Variants in FAM13A observed in about 807,000 individuals in gnomAD.
FAM13A encodes the protein family with sequence similarity 13 member A.
A neutral mutation model predicts 129.6 loss-of-function variants in FAM13A; 76 were observed. That is an observed-to-expected ratio of 0.59 (90% CI 0.49 to 0.71). The LOEUF (loss-of-function observed/expected upper bound fraction) is 0.71, where lower values mean the gene tolerates loss of function less well. Ranked by LOEUF, FAM13A falls within the 30% of genes least tolerant of loss-of-function variation. The pLI is 0.00. For missense variants in FAM13A, 1,108 were observed against 1,249.3 expected, an observed-to-expected ratio of 0.89 and a Z score of 1.70; for synonymous variants, 443 against 449.9, an observed-to-expected ratio of 0.98 and a Z score of 0.20.
intron 20 of FAM13A, among the ~76,000 whole-genome samples, chr4:88,737,799 T>C (rs556775530): frequency 6.6e-6 from 1 of 152,244 alleles, no homozygotes; most frequent in East Asian, 1.9e-4. Context: ...CACAGGAGTA[T>C]ATCCGGCAGA....
At chr4:88,894,694 G>T (rs1382775410) in intron 6 of FAM13A, among the ~76,000 whole-genome samples, 1 of 152,064 alleles carries the variant, frequency 6.6e-6, no homozygotes, top group Non-Finnish European at 1.5e-5. Flanking sequence ...GCTAATTTTT[G>T]TATTTTGAGT....
At chr4:89,048,683 T>G (rs2149176796) in intron 1 of FAM13A, among the ~76,000 whole-genome samples, 1 of 152,278 alleles carries the variant, frequency 6.6e-6, no homozygotes, top group South Asian at 2.1e-4. Context: ...AATAATATAT[T>G]AATATTAAAA....
chr4:88,957,631 G>A (rs766234513), intron 4 of FAM13A, among the ~76,000 whole-genome samples: 1 of 152,228 alleles, frequency 6.6e-6, no homozygotes, highest in Non-Finnish European at 1.5e-5. Flanking sequence ...ACAGGCAGAG[G>A]TTGGAAGAGT....
chr4:88,978,720 G>A (rs914605091), intron 4 of FAM13A, among the ~76,000 whole-genome samples: 5 of 152,116 alleles, frequency 3.3e-5, no homozygotes, highest in African/African-American at 1.2e-4. Context: ...GGTAAACCTG[G>A]GAGGCGGAGC....
chr4:88,886,844 T>C (rs1169232466), intron 6 of FAM13A, among the ~76,000 whole-genome samples: 1 of 151,376 alleles, frequency 6.6e-6, no homozygotes, highest in Non-Finnish European at 1.5e-5. Context: ...GAGGTGGAGG[T>C]TGCAGTGAGC....
chr4:88,767,894 T>G (rs1433785317), intron 12 of FAM13A, 89 bp downstream of exon 12: 10 of 823,230 alleles, frequency 1.2e-5, no homozygotes, highest in African/African-American at 5.1e-5. Flanking sequence ...AATTCCATTC[T>G]TTTTAGTTCT....
intron 1 of FAM13A, among the ~76,000 whole-genome samples, chr4:89,048,444 T>A (rs899532683): frequency 2.0e-5 from 3 of 151,992 alleles, no homozygotes; most frequent in Admixed American, 1.3e-4. Flanking sequence ...TAAAGCAAAT[T>A]AGTGGTTGTC....
At chr4:88,945,988 G>GTATATATATATATA (rs1553901158) in intron 4 of FAM13A, among the ~76,000 whole-genome samples, 16 of 13,658 alleles carry the variant, frequency 1.2e-3, no homozygotes, top group African/African-American at 4.0e-3. Flanking sequence ...GTGTGTGTGT[G>GTATATATATATATA]TGTATATATA....
intron 7 of FAM13A, among the ~76,000 whole-genome samples, chr4:88,824,298 G>A (rs926882462): frequency 2.0e-5 from 3 of 152,162 alleles, no homozygotes; most frequent in Non-Finnish European, 4.4e-5. Context: ...TTGTAGGCAT[G>A]AGGTATCCCC....
At chr4:88,924,837 T>C (rs1351827598) in intron 5 of FAM13A, among the ~76,000 whole-genome samples, 6 of 150,336 alleles carry the variant, frequency 4.0e-5, no homozygotes, top group Admixed American at 4.0e-4. Context: ...GAATCTACAA[T>C]GAACTCAAAC....
chr4:89,038,499 A>G (rs1216658802), intron 1 of FAM13A, among the ~76,000 whole-genome samples: 1 of 152,208 alleles, frequency 6.6e-6, no homozygotes, highest in Non-Finnish European at 1.5e-5. Flanking sequence ...GGACACGTCC[A>G]CAAGACCTAT....
At chr4:88,891,364 G>GA (rs112873916) in intron 6 of FAM13A, among the ~76,000 whole-genome samples, 1 of 152,274 alleles carries the variant, frequency 6.6e-6, no homozygotes, top group African/African-American at 2.4e-5. Context: ...AGGCTGCAGT[G>GA]AGCTGTGATC....
intron 1 of FAM13A, among the ~76,000 whole-genome samples, chr4:89,054,368 G>A (rs1370443706): frequency 6.6e-6 from 1 of 151,756 alleles, no homozygotes; most frequent in Non-Finnish European, 1.5e-5. Flanking sequence ...AAGTATTAAT[G>A]TCTTCAGCAG....
Position 88,899,103 on chromosome 4 carries a change from C to G in FAM13A, c.843+7276G>C, listed in dbSNP as rs980147168. ...GTATGTGTGTGTATGTATATATACA[C>G]ACACACATACATATATATATATACA... On this transcript the variant is annotated intron_variant, in intron 6 of 23. Coordinates refer to ENST00000264344, the MANE Select transcript of FAM13A (RefSeq NM_014883.4). Among the ~76,000 whole-genome samples the G allele has an allele frequency of 3.4e-5, 5 of 145,564 alleles. No homozygotes were observed. The South Asian group carries it at 1.1e-3, about 31-fold the overall frequency.
intron 7 of FAM13A, among the ~76,000 whole-genome samples, chr4:88,821,042 C>T (rs1444807852): frequency 2.6e-5 from 4 of 152,090 alleles, no homozygotes; most frequent in Admixed American, 6.6e-5. Flanking sequence ...GGGGAGAGTC[C>T]GCAATAGTCA....
chr4:88,919,924 G>A (rs886648893), intron 5 of FAM13A, among the ~76,000 whole-genome samples: 2 of 152,230 alleles, frequency 1.3e-5, no homozygotes, highest in South Asian at 2.1e-4. Context: ...AGGGTCCTAC[G>A]CCCACAGAGT....
intron 19 of FAM13A, among the ~76,000 whole-genome samples, chr4:88,746,203 T>C (rs947819762): frequency 1.3e-5 from 2 of 152,218 alleles, no homozygotes; most frequent in Non-Finnish European, 2.9e-5. Context: ...AAAATTTGTT[T>C]TGTTAGGTCT....
chr4:88,893,348 G>A (rs1745680029), intron 6 of FAM13A, among the ~76,000 whole-genome samples: 1 of 152,204 alleles, frequency 6.6e-6, no homozygotes, highest in Admixed American at 6.5e-5. Flanking sequence ...GTTCAGGCTG[G>A]GTGCAGTGGC....
At chr4:88,734,229 G>C (rs568408265) in intron 21 of FAM13A, among the ~76,000 whole-genome samples, 2 of 152,274 alleles carry the variant, frequency 1.3e-5, no homozygotes, top group East Asian at 3.9e-4. Context: ...CAGGTAAGCA[G>C]ACCCTACGAA....
Sources: gnomAD v4.1 joint callset for allele counts (sites outside exome capture counted in the v4.1 genomes callset) on GRCh38, gnomAD v4.1.1 for gene constraint, MANE v1.5 for transcripts, NCBI Gene and HGNC (gene_info 2026-07-23, HGNC 2026-07-21) for gene names.